CNGB3: variants seen among roughly 807,000 people sequenced by gnomAD.
CNGB3 encodes cyclic nucleotide gated channel subunit beta 3.
In CNGB3, 86 loss-of-function variants were observed where a neutral mutation model predicts 92.8. The ratio of observed to expected loss-of-function variants is 0.93; its 90% confidence interval spans 0.78 to 1.11. The LOEUF (loss-of-function observed/expected upper bound fraction) is 1.11, where lower values mean the gene tolerates loss of function less well. Ranked by LOEUF, CNGB3 falls within the 50% of genes least tolerant of loss-of-function variation. The pLI, the probability that CNGB3 is intolerant of heterozygous loss-of-function variation, is 0.00. For missense variants in CNGB3, 1,026 were observed against 956.8 expected, an observed-to-expected ratio of 1.07 and a Z score of -0.95; for synonymous variants, 333 against 332.7, an observed-to-expected ratio of 1.00 and a Z score of -0.01.
chr8:86,661,264 G>T, intron 6 of CNGB3: 3 of 334,562 alleles, frequency 9.0e-6, no homozygotes, highest in South Asian at 3.1e-5. Flanking sequence ...AGACTATCAG[G>T]GTCGACCTTC....
intron 14 of CNGB3, among the ~76,000 whole-genome samples, chr8:86,610,625 G>A (rs965806611): frequency 6.6e-6 from 1 of 152,148 alleles, no homozygotes; most frequent in African/African-American, 2.4e-5. Flanking sequence ...TGATAAAAGT[G>A]CCTCTCATCT....
intron 2 of CNGB3, among the ~76,000 whole-genome samples, chr8:86,729,495 G>T (rs1442589084): frequency 6.6e-6 from 1 of 152,126 alleles, no homozygotes; most frequent in African/African-American, 2.4e-5. Context: ...ACAAGCCTGG[G>T]ATATTTATAA....
rs555616321 is a variant in CNGB3 at position 86,600,433 on chromosome 8, A to G, written c.1781+3660T>C. 5.9e-5 allele frequency among the ~76,000 whole-genome samples: 9 copies of G among 152,148 alleles called. No homozygotes were observed. In the South Asian group the frequency reaches 1.9e-3, roughly 32 times the overall value. On this transcript the variant is annotated intron_variant, in intron 15 of 17. Coordinates refer to ENST00000320005, the MANE Select transcript of CNGB3 (RefSeq NM_019098.5). ...TATGCCATAAGGGGACCCAAATATA[A>G]TTTTCTTTTGTTTCTATCAAATCAC...
At chr8:86,583,362 G>A (rs62512472) in intron 15 of CNGB3, among the ~76,000 whole-genome samples, 45,180 of 152,140 alleles carry the variant, frequency 0.3, 8,470 homozygotes, top group Non-Finnish European at 0.42. Flanking sequence ...CACATGTGAA[G>A]TGGCATAGTG....
At chr8:86,608,334 GA>G (rs34731694) in intron 14 of CNGB3, among the ~76,000 whole-genome samples, 1 of 152,254 alleles carries the variant, frequency 6.6e-6, no homozygotes, top group Non-Finnish European at 1.5e-5. Flanking sequence ...AGGGCCACCA[GA>G]AGGGCTCCTT....
chr8:86,666,911 C>G lies in CNGB3; in HGVS notation c.852+14G>C. 1.2e-6 allele frequency: 2 copies of G among 1,605,866 alleles called. No homozygotes were observed. The highest frequency in any genetic ancestry group is 1.7e-6 in the Non-Finnish European group (2 of 1,174,438). ...TTCACGTTTCAGTTTCTGCCTTTCC[C>G]GAACCCCACTTACTATTATGTCTCC... On this transcript the variant is annotated intron_variant, in intron 6 of 17. Transcript: ENST00000320005.
At chr8:86,586,025 T>C (rs1821882255) in intron 15 of CNGB3, among the ~76,000 whole-genome samples, 1 of 152,202 alleles carries the variant, frequency 6.6e-6, no homozygotes, top group South Asian at 2.1e-4. Context: ...TGATAAGTAC[T>C]TTTTTGGATG....
chr8:86,688,922 C>T (rs1442869902), intron 3 of CNGB3, among the ~76,000 whole-genome samples: 1 of 151,588 alleles, frequency 6.6e-6, no homozygotes, highest in Non-Finnish European at 1.5e-5. Context: ...TAGGTAGGTG[C>T]TTATTGCTAT....
chr8:86,652,818 T>C (rs895256148), intron 7 of CNGB3, among the ~76,000 whole-genome samples: 17 of 152,194 alleles, frequency 1.1e-4, no homozygotes, highest in African/African-American at 3.6e-4. Context: ...AATTAACTTT[T>C]AAAAAAATTC....
chr8:86,734,235 G>C (rs1315362599), intron 2 of CNGB3, among the ~76,000 whole-genome samples: 1 of 152,118 alleles, frequency 6.6e-6, no homozygotes. Context: ...GTGAGAGTTG[G>C]CTGAAATGCA....
intron 15 of CNGB3, among the ~76,000 whole-genome samples, chr8:86,601,756 G>A (rs1035778593): frequency 1.3e-5 from 2 of 152,160 alleles, no homozygotes; most frequent in African/African-American, 2.4e-5. Context: ...AGAGGCAGAT[G>A]CATCCTGTTT....
intron 6 of CNGB3, among the ~76,000 whole-genome samples, chr8:86,662,640 G>T (rs1445454668): frequency 1.3e-5 from 2 of 152,204 alleles, no homozygotes; most frequent in African/African-American, 2.4e-5. Flanking sequence ...CACTGAGGTG[G>T]AGCCTTGGAA....
At chr8:86,587,046 G>A (rs1401769792) in intron 15 of CNGB3, among the ~76,000 whole-genome samples, 2 of 146,866 alleles carry the variant, frequency 1.4e-5, no homozygotes, top group Admixed American at 6.8e-5. Context: ...GTGTGAGATG[G>A]TATCTCATTG....
At chr8:86,619,687 T>G (rs1822688040) in intron 13 of CNGB3, among the ~76,000 whole-genome samples, 1 of 151,482 alleles carries the variant, frequency 6.6e-6, no homozygotes, top group Non-Finnish European at 1.5e-5. Flanking sequence ...GTGCCAAGTC[T>G]TAGTCTGTGA....
intron 2 of CNGB3, among the ~76,000 whole-genome samples, chr8:86,728,554 T>C (rs1825103517): frequency 1.3e-5 from 2 of 152,230 alleles, no homozygotes. Context: ...GGCAGCCTAA[T>C]CCTTTTTTGT....
At chr8:86,634,608 G>T (rs562825179) in intron 10 of CNGB3, among the ~76,000 whole-genome samples, 4 of 151,906 alleles carry the variant, frequency 2.6e-5, no homozygotes, top group African/African-American at 9.7e-5. Context: ...AACGTCTCCA[G>T]GTTTTGTTAC....
At chr8:86,682,285 A>G (rs571824206) in intron 3 of CNGB3, among the ~76,000 whole-genome samples, 44 of 152,170 alleles carry the variant, frequency 2.9e-4, no homozygotes, top group Non-Finnish European at 5.7e-4. Context: ...GACTTACTGC[A>G]TGACAGAAGG....
intron 3 of CNGB3, among the ~76,000 whole-genome samples, chr8:86,705,679 G>T (rs1008261095): frequency 1.6e-4 from 25 of 152,178 alleles, no homozygotes; most frequent in African/African-American, 4.8e-4. Flanking sequence ...AGCGCTGGGG[G>T]TTCAGAGAGG....
At position 86,654,028 on chromosome 8, in the gene CNGB3, G is replaced by A. The variant is rs1823455471; in HGVS notation, c.887C>T (p.Thr296Ile). ...GTCACCTACCTGAAATTTTGTAGAAGTCCTGTAGTGTTTCCTTAGCTCATT... is the reference window on the plus strand; with the variant it reads ...GTCACCTACCTGAAATTTTGTAGAAATCCTGTAGTGTTTCCTTAGCTCATT... ...DSNELRKHYR[T>I]STKFQLDVAS... Residue 296 changes from threonine (T) to isoleucine (I), a missense_variant, in exon 7 of 18, where the codon ACT (threonine) becomes ATT (isoleucine). Physicochemically the swap from Thr to Ile is moderately conservative, Grantham distance 89. Coordinates refer to ENST00000320005, the MANE Select transcript of CNGB3 (RefSeq NM_019098.5). The A allele has an allele frequency of 1.2e-6, 2 of 1,601,132 alleles. No individual in the cohort carries two copies. The highest frequency in any genetic ancestry group is 1.7e-6 in the Non-Finnish European group (2 of 1,168,408).
Sources: gnomAD v4.1 joint callset for allele counts (sites outside exome capture counted in the v4.1 genomes callset) on GRCh38, gnomAD v4.1.1 for gene constraint, MANE v1.5 for transcripts, NCBI Gene and HGNC (gene_info 2026-07-23, HGNC 2026-07-21) for gene names.